The following PEAK1 variants were observed in gnomAD, a reference collection of about 807,000 sequenced individuals.
PEAK1 encodes the protein pseudopodium enriched atypical kinase 1.
A neutral mutation model predicts 124.7 loss-of-function variants in PEAK1; 54 were observed. That is an observed-to-expected ratio of 0.43 (90% CI 0.35 to 0.54). PEAK1 has a LOEUF of 0.54. Ranked by LOEUF, PEAK1 falls within the 20% of genes least tolerant of loss-of-function variation. The pLI is 0.01. For missense variants in PEAK1, 2,046 were observed against 2,134.5 expected, an observed-to-expected ratio of 0.96 and a Z score of 0.82; for synonymous variants, 719 against 760.0, an observed-to-expected ratio of 0.95 and a Z score of 0.89.
intron 8 of PEAK1, chr15:77,157,288 G>A (rs180824606): frequency 5.3e-5 from 8 of 152,328 alleles, no homozygotes; most frequent in Non-Finnish European, 8.8e-5. Context: ...ACAGTCTAAG[G>A]ATTGGTCAGT....
intron 5 of PEAK1, among the ~76,000 whole-genome samples, chr15:77,265,569 C>G (rs1228023250): frequency 2.6e-5 from 4 of 152,152 alleles, no homozygotes; most frequent in African/African-American, 7.2e-5. Context: ...CCATCTCACA[C>G]CAGTTAGAAT....
intron 5 of PEAK1, among the ~76,000 whole-genome samples, chr15:77,276,821 A>C (rs560120506): frequency 1.3e-5 from 2 of 152,252 alleles, no homozygotes; most frequent in East Asian, 3.9e-4. Flanking sequence ...AATATATATA[A>C]ACATGCATGT....
intron 6 of PEAK1, among the ~76,000 whole-genome samples, chr15:77,251,075 C>T (rs939018805): frequency 6.6e-6 from 1 of 152,156 alleles, no homozygotes; most frequent in Non-Finnish European, 1.5e-5. Context: ...CCATCATACC[C>T]ATTCACTATC....
chr15:77,341,109 G>A (rs968455314), intron 2 of PEAK1, among the ~76,000 whole-genome samples: 5 of 151,970 alleles, frequency 3.3e-5, no homozygotes, highest in African/African-American at 1.2e-4. Flanking sequence ...AATACACATA[G>A]GACAAGGTCT....
At chr15:77,281,166 C>CA (rs570042064) in intron 5 of PEAK1, among the ~76,000 whole-genome samples, 118 of 150,340 alleles carry the variant, frequency 7.8e-4, no homozygotes, top group Non-Finnish European at 1.5e-3. Context: ...GACTCTATCT[C>CA]AAAAAAAAAG....
chr15:77,231,198 T>C (rs887153410), intron 6 of PEAK1, among the ~76,000 whole-genome samples: 5 of 151,962 alleles, frequency 3.3e-5, no homozygotes, highest in Non-Finnish European at 5.9e-5. Flanking sequence ...CTACAGTTAA[T>C]TGAGAATAGA....
chr15:77,215,782 C>A (rs1277861696), intron 6 of PEAK1, among the ~76,000 whole-genome samples: 2 of 152,122 alleles, frequency 1.3e-5, no homozygotes, highest in Non-Finnish European at 2.9e-5. Context: ...TGCCCCTGCA[C>A]CTAGCCAATG....
In PEAK1 at chr15:77,114,302, G is replaced by A. The variant is rs34004337; in HGVS notation, c.5095C>T (p.Arg1699Ter). Reference protein sequence around the residue: ...TLLQNWLDIKRTLLMIKFAEK... With the variant: ...TLLQNWLDIK ...GCAAACTTGATCATGAGCAGTGTTC[G>A]CTTGATGTCTAGCCAGTTTTGGAGC... Residue 1699 changes from arginine to a stop codon, truncating the protein, a stop_gained, in exon 10 of 10, where the codon CGA becomes TGA. Transcript: ENST00000682557. LOFTEE classifies it high-confidence loss of function. The A allele has an allele frequency of 5.6e-6, 9 of 1,614,186 alleles. No homozygotes were observed. The highest frequency in any genetic ancestry group is 5.0e-5 in the Admixed American group (3 of 60,028).
intron 5 of PEAK1, among the ~76,000 whole-genome samples, chr15:77,276,202 A>G (rs567594163): frequency 3.9e-5 from 6 of 152,228 alleles, no homozygotes; most frequent in Admixed American, 6.5e-5. Flanking sequence ...ATGAACTGAA[A>G]AGTTCTCAAA....
intron 1 of PEAK1, among the ~76,000 whole-genome samples, chr15:77,382,857 A>G (rs889652479): frequency 6.6e-5 from 10 of 152,144 alleles, no homozygotes; most frequent in African/African-American, 1.7e-4. Flanking sequence ...TCAATGAATC[A>G]ATCTGACCCC....
intron 2 of PEAK1, chr15:77,347,401 G>A (rs1263881271): frequency 1.9e-4 from 189 of 985,208 alleles, no homozygotes; most frequent in Non-Finnish European, 2.2e-4. Context: ...CGGCATCAGA[G>A]TACTGGCTGA....
intron 1 of PEAK1, among the ~76,000 whole-genome samples, chr15:77,392,813 A>G (rs1360602857): frequency 6.6e-6 from 1 of 152,242 alleles, no homozygotes; most frequent in African/African-American, 2.4e-5. Context: ...GAGCACCTTC[A>G]TAACAAGCAA....
intron 5 of PEAK1, among the ~76,000 whole-genome samples, chr15:77,266,974 G>A (rs749064784): frequency 2.0e-5 from 3 of 151,486 alleles, no homozygotes; most frequent in Non-Finnish European, 4.4e-5. Flanking sequence ...AATCAGCTCT[G>A]TGTTGTTGGT....
chr15:77,401,534 ATTTCT>A (rs753967845), intron 1 of PEAK1: 110 of 975,032 alleles, frequency 1.1e-4, no homozygotes, highest in Non-Finnish European at 1.3e-4. Flanking sequence ...CTAAAATCAC[ATTTCT>A]TTTGTTTCTT....
chr15:77,199,685 A>T (rs2152843558), intron 6 of PEAK1, among the ~76,000 whole-genome samples: 1 of 152,262 alleles, frequency 6.6e-6, no homozygotes, highest in Admixed American at 6.5e-5. Flanking sequence ...GTGTGTGTGT[A>T]AAAGGTGTCG....
chr15:77,346,515 C>G, intron 2 of PEAK1: 1 of 985,324 alleles, frequency 1.0e-6, no homozygotes, highest in Non-Finnish European at 1.2e-6. Context: ...GCTTTTATGA[C>G]TAGGATGTAC....
chr15:77,374,024 A>G (rs1430505848), intron 1 of PEAK1, among the ~76,000 whole-genome samples: 1 of 152,216 alleles, frequency 6.6e-6, no homozygotes, highest in Non-Finnish European at 1.5e-5. Context: ...AAAAATCTTC[A>G]ATGTGATACT....
intron 9 of PEAK1, among the ~76,000 whole-genome samples, chr15:77,124,690 G>A (rs980687732): frequency 1.3e-5 from 2 of 152,096 alleles, no homozygotes; most frequent in African/African-American, 4.8e-5. Context: ...TACCATAGTT[G>A]TCATCCAAAA....
In PEAK1 at chr15:77,253,692, A is replaced by G. The variant is rs551526932; in HGVS notation, c.-274-1166T>C. Among the ~76,000 whole-genome samples the G allele has an allele frequency of 3.0e-4, 46 of 152,220 alleles. 1 individual carries two copies. The highest frequency in any genetic ancestry group is 1.3e-3 in the Admixed American group (20 of 15,294). The stretch of plus-strand genomic sequence containing the variant: ...TTTTTCTTCATCCTTACAACTTTTT[A>G]CTAATGTCATTCCATAATTTTTTGT... On this transcript the variant is annotated intron_variant, in intron 5 of 9. Transcript: ENST00000682557.
Sources: allele counts gnomAD v4.1 joint callset (sites outside exome capture counted in the v4.1 genomes callset), GRCh38; gene constraint gnomAD v4.1.1; transcripts MANE v1.5; gene names NCBI Gene and HGNC (gene_info 2026-07-23, HGNC 2026-07-21).